LRP1B: variants seen among roughly 807,000 people sequenced by gnomAD.
LRP1B encodes low-density lipoprotein receptor-related protein 1B.
Under a neutral mutation model 556.6 loss-of-function variants are expected in LRP1B, and 217 were observed. The ratio of observed to expected loss-of-function variants is 0.39; its 90% CI spans 0.35 to 0.44. The LOEUF (loss-of-function observed/expected upper bound fraction) is 0.44. LRP1B is among the 20% of genes least tolerant of loss of function. The probability of loss-of-function intolerance (pLI) is 1.00; values close to 1 mark genes in which losing one functional copy is unlikely to be tolerated. For missense variants in LRP1B, 5,053 were observed against 5,620.8 expected (o/e 0.90, Z 3.23); for synonymous variants, 2,047 against 1,865.8 (o/e 1.10, Z -2.50).
rs180792365 is a variant in LRP1B at position 141,807,107 on chromosome 2, C to A, written c.205+3172G>T. Among the ~76,000 whole-genome samples, 23 of 152,106 alleles carry A rather than the reference C, an allele frequency of 1.5e-4. No homozygotes were observed. The East Asian group carries it at 4.3e-3, about 28-fold the overall frequency. ...ATTTATCTTTCATATCGAATGTATA[C>A]ATTCATATAAAATTATGCAATTATT... On this transcript the variant is annotated intron_variant, in intron 2 of 90. Transcript: ENST00000389484.
chr2:141,449,311 T>G (rs1270462418), intron 3 of LRP1B, among the ~76,000 whole-genome samples: 4 of 152,184 alleles, frequency 2.6e-5, no homozygotes, highest in Non-Finnish European at 5.9e-5. Context: ...ACTCTTGAAA[T>G]TGGCATTTGG....
intron 7 of LRP1B, among the ~76,000 whole-genome samples, chr2:141,121,866 A>G (rs13428638): frequency 0.022 from 3,320 of 152,272 alleles, 119 homozygotes; most frequent in African/African-American, 0.076. Context: ...ACAAGGCTAC[A>G]GTAACCAAAA....
chr2:140,669,689 C>T (rs1685411547), intron 41 of LRP1B, among the ~76,000 whole-genome samples: 1 of 151,838 alleles, frequency 6.6e-6, no homozygotes, highest in African/African-American at 2.4e-5. Flanking sequence ...TCCCAGTCTA[C>T]CATGGGATTC....
chr2:140,634,659 T>C (rs1013926599), intron 41 of LRP1B, among the ~76,000 whole-genome samples: 1 of 151,942 alleles, frequency 6.6e-6, no homozygotes, highest in African/African-American at 2.4e-5. Flanking sequence ...TGACATGACA[T>C]GATGAAAATG....
At chr2:141,458,011 T>C (rs1388114317) in intron 3 of LRP1B, among the ~76,000 whole-genome samples, 1 of 152,202 alleles carries the variant, frequency 6.6e-6, no homozygotes, top group African/African-American at 2.4e-5. Flanking sequence ...TAAGCTTTCA[T>C]TGTAAATACA....
At chr2:141,140,084 G>C (rs561357556) in intron 7 of LRP1B, among the ~76,000 whole-genome samples, 8 of 152,124 alleles carry the variant, frequency 5.3e-5, no homozygotes, top group African/African-American at 1.7e-4. Context: ...AAAGAAGCCA[G>C]GCGAAAGAGT....
At chr2:141,349,083 T>C (rs1367345136) in intron 3 of LRP1B, among the ~76,000 whole-genome samples, 1 of 152,010 alleles carries the variant, frequency 6.6e-6, no homozygotes, top group East Asian at 1.9e-4. Context: ...TTATCAACAG[T>C]GTGAAAACGG....
intron 3 of LRP1B, among the ~76,000 whole-genome samples, chr2:141,472,392 T>C (rs75607766): frequency 0.44 from 66,720 of 151,670 alleles, 14,979 homozygotes; most frequent in Non-Finnish European, 0.49. Context: ...ATACAAAAAT[T>C]AGCCAAACGT....
intron 7 of LRP1B, among the ~76,000 whole-genome samples, chr2:141,137,976 A>C (rs1427596775): frequency 1.3e-5 from 2 of 151,806 alleles, no homozygotes; most frequent in Non-Finnish European, 2.9e-5. Flanking sequence ...AATCAGACAA[A>C]AGTGTTATAA....
intron 18 of LRP1B, among the ~76,000 whole-genome samples, chr2:140,961,769 AAG>A (rs1696042784): frequency 6.6e-6 from 1 of 152,040 alleles, no homozygotes; most frequent in Non-Finnish European, 1.5e-5. Flanking sequence ...TTTTAATTTA[AAG>A]CTTTTAAAAC....
intron 84 of LRP1B, 24 bp downstream of exon 84, chr2:140,297,784 C>A: frequency 1.9e-6 from 3 of 1,592,000 alleles, no homozygotes; most frequent in Non-Finnish European, 1.7e-6. Context: ...TCAAAGCTGG[C>A]TTCTGGGTGC....
intron 1 of LRP1B, among the ~76,000 whole-genome samples, chr2:142,123,466 C>T (rs1707527497): frequency 1.3e-5 from 2 of 151,862 alleles, no homozygotes; most frequent in South Asian, 4.1e-4. Flanking sequence ...AAAGAAGAAA[C>T]ATATTCTTTT....
At chr2:141,807,850 T>C (rs1397660415) in intron 2 of LRP1B, among the ~76,000 whole-genome samples, 2 of 152,096 alleles carry the variant, frequency 1.3e-5, no homozygotes, top group Non-Finnish European at 2.9e-5. Flanking sequence ...GGGTGAATAC[T>C]GGTCGGTGCA....
chr2:141,068,912 C>T (rs1245281979), intron 7 of LRP1B, among the ~76,000 whole-genome samples: 1 of 151,948 alleles, frequency 6.6e-6, no homozygotes, highest in Non-Finnish European at 1.5e-5. Flanking sequence ...AATCTCATAA[C>T]CCATTTTGGC....
At chr2:141,846,463 T>A (rs1461811853) in intron 1 of LRP1B, among the ~76,000 whole-genome samples, 1 of 151,632 alleles carries the variant, frequency 6.6e-6, no homozygotes, top group Non-Finnish European at 1.5e-5. Flanking sequence ...GAACAGGTTA[T>A]CTTTATATTA....
intron 3 of LRP1B, among the ~76,000 whole-genome samples, chr2:141,272,215 G>A (rs1685117128): frequency 6.6e-6 from 1 of 151,976 alleles, no homozygotes. Context: ...ATTTATATAT[G>A]AGTAACATTT....
intron 1 of LRP1B, among the ~76,000 whole-genome samples, chr2:142,059,036 G>A (rs1704792795): frequency 6.6e-6 from 1 of 151,978 alleles, no homozygotes; most frequent in Non-Finnish European, 1.5e-5. Context: ...TTTATTCTTT[G>A]GACTACTGCT....
In LRP1B at chr2:141,147,901, G is replaced by A. The variant is rs548788494; in HGVS notation, c.1013+40520C>T. On this transcript the variant is annotated intron_variant, in intron 7 of 90. Coordinates refer to ENST00000389484, the MANE Select transcript of LRP1B (RefSeq NM_018557.3). ...ATGTTTAGATACACAAATGCTTCTC[G>A]TTGTGTTATAACTGTCTACAGCATT... Among the ~76,000 whole-genome samples the A allele has an allele frequency of 6.9e-4, 105 of 152,066 alleles. 1 individual carries two copies. Among genetic ancestry groups the A allele is most frequent in the Middle Eastern group, 6.8e-3 (2 of 294 alleles).
intron 2 of LRP1B, among the ~76,000 whole-genome samples, chr2:141,540,995 A>G (rs780578001): frequency 3.3e-5 from 5 of 151,988 alleles, no homozygotes; most frequent in Non-Finnish European, 7.4e-5. Context: ...AACATCAAAA[A>G]AACAACAACA....
Sources: gnomAD v4.1 joint callset for allele counts (sites outside exome capture counted in the v4.1 genomes callset) on GRCh38, gnomAD v4.1.1 for gene constraint, MANE v1.5 for transcripts, NCBI Gene and HGNC (gene_info 2026-07-23, HGNC 2026-07-21) for gene names.